TMEM131L: variants seen among roughly 807,000 people sequenced by gnomAD.
TMEM131L encodes transmembrane 131 like.
Under a neutral mutation model 192.2 loss-of-function variants are expected in TMEM131L, and 54 were observed. The observed-to-expected ratio is 0.28, with a 90% CI of 0.23 to 0.35. The LOEUF (loss-of-function observed/expected upper bound fraction) is 0.35. Among genes scored for constraint, TMEM131L ranks in the 10% least tolerant of loss-of-function variants. The pLI, the probability that TMEM131L is intolerant of heterozygous loss-of-function variation, is 1.00. For synonymous variants in TMEM131L, 701 were observed against 704.9 expected, an observed-to-expected ratio of 0.99 and a Z score of 0.09; for missense variants, 1,888 against 1,972.9, an observed-to-expected ratio of 0.96 and a Z score of 0.82.
chr4:153,505,743 T>C (rs1354301755), intron 3 of TMEM131L, among the ~76,000 whole-genome samples: 1 of 152,158 alleles, frequency 6.6e-6, no homozygotes, highest in African/African-American at 2.4e-5. Flanking sequence ...CTAAATGAGT[T>C]GAGCAGCGAA....
At chr4:153,508,758 A>G (rs780135404) in intron 3 of TMEM131L, among the ~76,000 whole-genome samples, 6 of 151,048 alleles carry the variant, frequency 4.0e-5, no homozygotes, top group African/African-American at 7.3e-5. Context: ...GATCCTCCCA[A>G]CTTAGCTCCC....
chr4:153,584,582 A>G (rs1730578835), intron 11 of TMEM131L, among the ~76,000 whole-genome samples: 1 of 152,152 alleles, frequency 6.6e-6, no homozygotes, highest in Admixed American at 6.6e-5. Flanking sequence ...TACTCTGCCA[A>G]GTGAGCTTCT....
At chr4:153,534,012 C>T (rs1412446717) in intron 3 of TMEM131L, among the ~76,000 whole-genome samples, 3 of 152,086 alleles carry the variant, frequency 2.0e-5, no homozygotes, top group Non-Finnish European at 2.9e-5. Flanking sequence ...GTTTGGGAAA[C>T]GTTTTTTATG....
chr4:153,589,038 G>T, intron 16 of TMEM131L, 31 bp downstream of exon 16: 1 of 1,166,668 alleles, frequency 8.6e-7, no homozygotes. Flanking sequence ...TTTTTGTTCG[G>T]TGGTGGGGAG....
chr4:153,549,541 A>G (rs948660904), intron 3 of TMEM131L, among the ~76,000 whole-genome samples: 3 of 152,190 alleles, frequency 2.0e-5, no homozygotes, highest in Non-Finnish European at 4.4e-5. Flanking sequence ...CCTTTTGACT[A>G]TGAAGGAAAA....
intron 2 of TMEM131L, among the ~76,000 whole-genome samples, chr4:153,467,842 T>C (rs185839320): frequency 6.6e-6 from 1 of 152,304 alleles, no homozygotes; most frequent in Admixed American, 6.5e-5. Flanking sequence ...GAAAAATAAT[T>C]ACTGACGTTT....
intron 3 of TMEM131L, among the ~76,000 whole-genome samples, chr4:153,489,988 G>A (rs900285270): frequency 4.0e-5 from 6 of 151,864 alleles, no homozygotes; most frequent in Admixed American, 3.3e-4. Flanking sequence ...ATGAATACGA[G>A]TTGATTCCCA....
rs937176344 is a variant in TMEM131L, at chr4:153,607,097, TC to T, written c.3418+2668del. ...TTAAAAATAAGAAAGGACTGAAAAA[TC>T]TAGGGAAAGATAATTATAGTCTGAA... On this transcript the variant is annotated intron_variant, in intron 25 of 34. Transcript: ENST00000409959. Among the ~76,000 whole-genome samples the T allele has an allele frequency of 2.2e-4, 33 of 152,260 alleles. No homozygotes were observed. The Middle Eastern group carries it at 0.01, about 47-fold the overall frequency.
rs1009153526 is a variant in TMEM131L at position 153,484,018 on chromosome 4, G to A, written c.239+10130G>A. ...TATTAAGCTTCTTATTGCTTAAGAAGGTAGCAGAGCTTGGAGTTTCCAGGC... is the reference window on the plus strand; with the variant it reads ...TATTAAGCTTCTTATTGCTTAAGAAAGTAGCAGAGCTTGGAGTTTCCAGGC... On this transcript the variant is annotated intron_variant, in intron 3 of 34. Transcript: ENST00000409959. Among the ~76,000 whole-genome samples, 6 of 152,234 alleles carry A rather than the reference G, an allele frequency of 3.9e-5. No homozygotes were observed. In the South Asian group the frequency reaches 6.2e-4, roughly 16 times the overall value.
At chr4:153,547,607 T>C (rs74462091) in intron 3 of TMEM131L, among the ~76,000 whole-genome samples, 218 of 152,302 alleles carry the variant, frequency 1.4e-3, no homozygotes, top group African/African-American at 5.0e-3. Flanking sequence ...TCGTTTCCAT[T>C]TTACAGAGAA....
intron 32 of TMEM131L, 74 bp from the exon 33 acceptor site, chr4:153,634,118 A>G: frequency 7.8e-7 from 1 of 1,279,208 alleles, no homozygotes; most frequent in African/African-American, 1.5e-5. Context: ...CTAGGCAGTA[A>G]AATCATTTTC....
intron 26 of TMEM131L, among the ~76,000 whole-genome samples, chr4:153,616,545 G>A (rs901869530): frequency 3.3e-5 from 5 of 152,106 alleles, no homozygotes; most frequent in African/African-American, 9.7e-5. Flanking sequence ...TTTGGAATCC[G>A]CAAACTAAAT....
In TMEM131L at chr4:153,589,019, C is replaced by G. The variant is rs1730887201; in HGVS notation, c.1670+12C>G. On this transcript the variant is annotated intron_variant, in intron 16 of 34. Coordinates refer to ENST00000409959, the MANE Select transcript of TMEM131L (RefSeq NM_001131007.2). ...GGTGACGTCTGCAAGTACGTCTCCA[C>G]TGTCTTCTTTTTTGTTCGGTGGTGG... 1.5e-6 allele frequency: 2 copies of G among 1,376,520 alleles called. No individual in the cohort carries two copies. Among genetic ancestry groups the G allele is most frequent in the Non-Finnish European group, 2.1e-6 (2 of 964,636 alleles). The allele number at this position is 1,376,520 out of a possible 1,614,324, so 85.3% of individuals were successfully genotyped here. A position where few individuals can be genotyped will look rare whatever the true frequency, so the allele number is the denominator to read the frequency against.
chr4:153,590,867 CA>C (rs1480256427), intron 16 of TMEM131L, among the ~76,000 whole-genome samples, 185 bp from the exon 17 acceptor site: 2 of 152,114 alleles, frequency 1.3e-5, no homozygotes, highest in Admixed American at 1.3e-4. Flanking sequence ...TCTAGTAAAA[CA>C]GGGCCTTCTA....
chr4:153,593,239 C>T (rs947734097), intron 18 of TMEM131L, among the ~76,000 whole-genome samples: 11 of 152,054 alleles, frequency 7.2e-5, no homozygotes, highest in East Asian at 3.9e-4. Flanking sequence ...TTAGTAAGAT[C>T]GACCCTTATC....
intron 3 of TMEM131L, among the ~76,000 whole-genome samples, chr4:153,486,163 G>C (rs1193491400): frequency 6.6e-6 from 1 of 152,136 alleles, no homozygotes; most frequent in Non-Finnish European, 1.5e-5. Context: ...GAAAAAAAAA[G>C]AGCATGACTC....
intron 3 of TMEM131L, among the ~76,000 whole-genome samples, chr4:153,517,689 T>C (rs1460084134): frequency 6.6e-6 from 1 of 152,336 alleles, no homozygotes. Context: ...CTGAAAACTA[T>C]GGTAGCAGTG....
intron 2 of TMEM131L, among the ~76,000 whole-genome samples, chr4:153,470,343 T>C (rs2149713053): frequency 6.6e-6 from 1 of 152,294 alleles, no homozygotes; most frequent in East Asian, 1.9e-4. Context: ...GACTTGGGCA[T>C]TGGAGAGCAT....
At chr4:153,546,306 G>T (rs1381422398) in intron 3 of TMEM131L, among the ~76,000 whole-genome samples, 1 of 151,386 alleles carries the variant, frequency 6.6e-6, no homozygotes, top group East Asian at 1.9e-4. Flanking sequence ...TCTACAAGAT[G>T]CATGTAATTA....
Sources: gnomAD v4.1 joint callset for allele counts (sites outside exome capture counted in the v4.1 genomes callset) on GRCh38, gnomAD v4.1.1 for gene constraint, MANE v1.5 for transcripts, NCBI Gene and HGNC (gene_info 2026-07-23, HGNC 2026-07-21) for gene names.